ABCA12: variants seen among roughly 807,000 people sequenced by gnomAD.
ABCA12 encodes the protein ATP binding cassette subfamily A member 12.
A neutral mutation model predicts 293.5 loss-of-function variants in ABCA12; 156 were observed. That is an observed-to-expected ratio of 0.53 (90% CI 0.47 to 0.61). The LOEUF is 0.61. ABCA12 is among the 20% of genes least tolerant of loss of function. The pLI, the probability that ABCA12 is intolerant of heterozygous loss-of-function variation, is 0.00. For missense variants in ABCA12, 2,797 were observed against 3,090.2 expected (o/e 0.91, Z 2.25); for synonymous variants, 1,063 against 1,108.0 (o/e 0.96, Z 0.81).
chr2:215,081,279 A>G (rs1701930858), intron 2 of ABCA12, among the ~76,000 whole-genome samples: 3 of 152,100 alleles, frequency 2.0e-5, no homozygotes, highest in Admixed American at 6.5e-5. Context: ...GAAGTTCGAG[A>G]CCAGCCTGGC....
chr2:214,945,721 G>T (rs140080020), intron 48 of ABCA12, among the ~76,000 whole-genome samples: 1 of 152,172 alleles, frequency 6.6e-6, no homozygotes, highest in East Asian at 1.9e-4. Context: ...TACAATAACA[G>T]GTTTTGACAG....
At chr2:214,954,341 C>A (rs2105931952) in intron 43 of ABCA12, among the ~76,000 whole-genome samples, 1 of 152,138 alleles carries the variant, frequency 6.6e-6, no homozygotes, top group South Asian at 2.1e-4. Context: ...TAATGTTGGA[C>A]CTAATCCTGG....
At chr2:215,069,878 T>C (rs1701703920) in intron 2 of ABCA12, among the ~76,000 whole-genome samples, 1 of 152,190 alleles carries the variant, frequency 6.6e-6, no homozygotes, top group Admixed American at 6.5e-5. Flanking sequence ...AAAAATAAGC[T>C]ATTTAAAAGA....
intron 3 of ABCA12, among the ~76,000 whole-genome samples, chr2:215,056,418 A>C (rs893389742): frequency 6.6e-6 from 1 of 152,128 alleles, no homozygotes; most frequent in African/African-American, 2.4e-5. Flanking sequence ...GACTGCTCCT[A>C]GACAAGGACG....
intron 8 of ABCA12, chr2:215,035,709 G>T (rs1700977964): frequency 6.7e-6 from 1 of 148,910 alleles, no homozygotes; most frequent in South Asian, 2.1e-4. Context: ...GATTAGCACA[G>T]TCATAGACAT....
intron 2 of ABCA12, among the ~76,000 whole-genome samples, chr2:215,104,529 G>T (rs1258356221): frequency 2.0e-5 from 3 of 152,156 alleles, no homozygotes; most frequent in Non-Finnish European, 4.4e-5. Flanking sequence ...AGACAGCTCT[G>T]CACGGGACAC....
At chr2:214,982,106 C>T (rs1699680492) in intron 30 of ABCA12, 81 bp downstream of exon 30, 2 of 1,468,420 alleles carry the variant, frequency 1.4e-6, no homozygotes, top group South Asian at 2.3e-5. Flanking sequence ...GCCACTGCAC[C>T]CAGCCTCAGT....
At chr2:215,069,060 C>G (rs961726580) in intron 2 of ABCA12, among the ~76,000 whole-genome samples, 5 of 152,140 alleles carry the variant, frequency 3.3e-5, no homozygotes, top group African/African-American at 1.2e-4. Context: ...GCCACTGTTT[C>G]ATTCTGTTTT....
intron 23 of ABCA12, among the ~76,000 whole-genome samples, chr2:214,993,040 A>G (rs1019932475): frequency 6.6e-6 from 1 of 152,176 alleles, no homozygotes; most frequent in African/African-American, 2.4e-5. Context: ...CAAAATAGTG[A>G]ATTTTACTTT....
At chr2:214,950,364 A>G (rs56102372) in intron 45 of ABCA12, among the ~76,000 whole-genome samples, 53,398 of 142,706 alleles carry the variant, frequency 0.37, 10,037 homozygotes, top group South Asian at 0.5. Context: ...ATATATATAT[A>G]TGTGTGTGTA....
chr2:215,047,045 AG>A (rs1466070588), intron 6 of ABCA12, among the ~76,000 whole-genome samples: 2 of 152,122 alleles, frequency 1.3e-5, no homozygotes, highest in Non-Finnish European at 1.5e-5. Flanking sequence ...GGACACACAG[AG>A]GGGAACAACA....
intron 8 of ABCA12, among the ~76,000 whole-genome samples, chr2:215,033,047 C>T (rs1700913327): frequency 6.6e-6 from 1 of 152,146 alleles, no homozygotes; most frequent in African/African-American, 2.4e-5. Flanking sequence ...TTGTACAGCC[C>T]CTGCTATCTG....
rs561408823 is a variant in ABCA12 at position 215,102,046 on chromosome 2, T to C, written c.163+9551A>G. 5.3e-5 allele frequency among the ~76,000 whole-genome samples: 8 copies of C among 152,148 alleles called. No individual in the cohort carries two copies. The East Asian group carries it at 1.2e-3, about 22-fold the overall frequency. On this transcript the variant is annotated intron_variant, in intron 2 of 52. Transcript: ENST00000272895. ...TTGTACACGTGTGTGTGTGTGTGTGTGCCTATGTATGTGTGTTTGTGAGTA... is the reference window on the plus strand; with the variant it reads ...TTGTACACGTGTGTGTGTGTGTGTGCGCCTATGTATGTGTGTTTGTGAGTA...
At chr2:215,000,019 C>G (rs1273837815) in intron 22 of ABCA12, among the ~76,000 whole-genome samples, 1 of 152,130 alleles carries the variant, frequency 6.6e-6, no homozygotes, top group African/African-American at 2.4e-5. Flanking sequence ...AGCTTGAAAA[C>G]CATAATCTGC....
At chr2:215,082,394 G>A (rs1306071936) in intron 2 of ABCA12, among the ~76,000 whole-genome samples, 6 of 151,836 alleles carry the variant, frequency 4.0e-5, no homozygotes, top group South Asian at 2.1e-4. Context: ...ACCCCTTAGC[G>A]CTAAGCAGGA....
At chr2:215,120,535 T>C (rs1702785256) in intron 1 of ABCA12, among the ~76,000 whole-genome samples, 1 of 152,036 alleles carries the variant, frequency 6.6e-6, no homozygotes, top group African/African-American at 2.4e-5. Flanking sequence ...ATGTGTTGGA[T>C]GGAGCGTAAG....
intron 52 of ABCA12, 122 bp downstream of exon 52, chr2:214,933,956 G>A (rs907350771): frequency 3.8e-6 from 4 of 1,041,782 alleles, no homozygotes; most frequent in Non-Finnish European, 5.6e-6. Context: ...AAGTTTTTCA[G>A]GTGCAAGACT....
At chr2:215,078,656 C>A (rs1204394623) in intron 2 of ABCA12, among the ~76,000 whole-genome samples, 1 of 152,146 alleles carries the variant, frequency 6.6e-6, no homozygotes, top group African/African-American at 2.4e-5. Context: ...TATTGAACAT[C>A]TTCTATGTCC....
In ABCA12 at chr2:215,011,603, C is replaced by T. The variant is rs773190443; in HGVS notation, c.2168G>A (p.Ser723Asn). The T allele has an allele frequency of 1.9e-6, 3 of 1,614,018 alleles. No individual in the cohort carries two copies. The South Asian group carries it at 3.3e-5, about 18-fold the overall frequency. Residue 723 changes from serine (S) to asparagine (N), a missense_variant, in exon 17 of 53, where the codon AGC (serine) becomes AAC (asparagine). Ser to Asn is a conservative substitution (Grantham distance 46). Around this residue, in one of 3 missense-constraint regions of ABCA12, gnomAD observed 2,130 missense variants for 2,427.0 expected, o/e 0.88. Transcript: ENST00000272895. Reference sequence around the variant, plus strand: ...AGAACATAATGCTTGGGAGATGGTGCTAAATGATCCTTGTGGTGTGTTCAT... The same window carrying T: ...AGAACATAATGCTTGGGAGATGGTGTTAAATGATCCTTGTGGTGTGTTCAT... ...NRMNTPQGSF[S>N]TISQALCSQG...
Sources: gnomAD v4.1 joint callset for allele counts (sites outside exome capture counted in the v4.1 genomes callset) on GRCh38, gnomAD v4.1.1 for gene constraint, gnomAD v4.1.1 regional missense constraint, MANE v1.5 for transcripts, NCBI Gene and HGNC (gene_info 2026-07-23, HGNC 2026-07-21) for gene names.